The following BTF3L4 variants were observed in gnomAD, a reference collection of about 807,000 sequenced individuals.
The protein encoded by BTF3L4 is transcription factor BTF3 homolog 4.
Under a neutral mutation model 16.8 loss-of-function variants are expected in BTF3L4, and 6 were observed. The ratio of observed to expected loss-of-function variants is 0.36; its 90% CI spans 0.20 to 0.71. BTF3L4 has a LOEUF of 0.71. Among genes scored for constraint, BTF3L4 ranks in the 30% least tolerant of loss-of-function variants. BTF3L4 has a pLI of 0.58. For synonymous variants in BTF3L4, 39 were observed against 59.8 expected (o/e 0.65, Z 1.60); for missense variants, 92 against 186.9 (o/e 0.49, Z 2.96).
chr1:52,084,366 C>A lies in BTF3L4; in HGVS notation c.370+825C>A, dbSNP rs972555502. ...CCATGGTGGCCAGGCTGGTCTTGAG[C>A]TCCTGGCCTCAAGTGATCCACCTAC... is the stretch of plus-strand genomic sequence containing the variant. On this transcript the variant is annotated intron_variant, in intron 4 of 5. Transcript: ENST00000313334. 4.6e-5 allele frequency among the ~76,000 whole-genome samples: 7 copies of A among 151,788 alleles called. No individual in the cohort carries two copies. The South Asian group carries it at 1.1e-3, about 23-fold the overall frequency.
rs1643941816 is a variant in BTF3L4 at position 52,083,369 on chromosome 1, T to TA, written c.199dup (p.Ile67AsnfsTer15). Reference sequence around the variant, plus strand: ...ACATGATTAAAGATGATGGGACAGTTATTCATTTCAACAATCCCAAAGTCC... The same window carrying TA: ...ACATGATTAAAGATGATGGGACAGTTAATTCATTTCAACAATCCCAAAGTCC... On this transcript the variant is annotated frameshift_variant, in exon 4 of 6. Transcript: ENST00000313334. LOFTEE classifies it high-confidence loss of function. 6.2e-7 allele frequency: 1 copy of TA among 1,613,428 alleles called. No individual in the cohort carries two copies. The highest frequency in any genetic ancestry group is 1.3e-5 in the African/African-American group (1 of 74,916).
intron 1 of BTF3L4, among the ~76,000 whole-genome samples, chr1:52,057,447 G>A (rs1425611536): frequency 1.3e-5 from 2 of 152,230 alleles, no homozygotes; most frequent in Non-Finnish European, 2.9e-5. Flanking sequence ...GCCTAGGAAG[G>A]GACTTCTCCC....
At chr1:52,060,489 A>G (rs770406865) in intron 2 of BTF3L4, 8 of 1,268,576 alleles carry the variant, frequency 6.3e-6, no homozygotes, top group Non-Finnish European at 8.2e-6. Context: ...CAGCTTTCTT[A>G]TTCCCTGTAC....
At chr1:52,073,672 G>A (rs1028147261) in intron 3 of BTF3L4, among the ~76,000 whole-genome samples, 2 of 108,062 alleles carry the variant, frequency 1.9e-5, no homozygotes, top group South Asian at 3.6e-4. Flanking sequence ...AGGTAACATC[G>A]TGAGATGCTG....
In BTF3L4 at chr1:52,089,832, T is replaced by G. The variant is rs1303793006; in HGVS notation, c.*3074T>G. On this transcript the variant is annotated 3_prime_UTR_variant, in exon 6 of 6. Coordinates refer to ENST00000313334, the MANE Select transcript of BTF3L4 (RefSeq NM_152265.5). ...TGGTTTAAGAATATATCAAGCACCT[T>G]AATTTGTTGTTAAGTAGCTAGTGCT... The G allele has an allele frequency of 6.6e-6, 1 of 152,234 alleles. No homozygotes were observed. Among genetic ancestry groups the G allele is most frequent in the Non-Finnish European group, 1.5e-5 (1 of 68,040 alleles). The allele number at this position is 152,234 out of a possible 1,614,324, so 9.4% of individuals were successfully genotyped here. A position where few individuals can be genotyped will look rare whatever the true frequency, so the allele number is the denominator to read the frequency against.
At chr1:52,064,785 G>A (rs150539924) in intron 2 of BTF3L4, 40 bp from the exon 3 acceptor site, 2 of 1,303,816 alleles carry the variant, frequency 1.5e-6, no homozygotes, top group African/African-American at 3.0e-5. Flanking sequence ...CCAGATGCCA[G>A]GCATGCTAAC....
chr1:52,063,816 CAT>C (rs1686578633), intron 2 of BTF3L4, among the ~76,000 whole-genome samples: 1 of 152,210 alleles, frequency 6.6e-6, no homozygotes, highest in Admixed American at 6.5e-5. Context: ...TCAGCAAAGT[CAT>C]GTGGTCTCTT....
At chr1:52,064,651 G>A (rs2809951) in intron 2 of BTF3L4, among the ~76,000 whole-genome samples, 174 bp from the exon 3 acceptor site, 140,338 of 152,252 alleles carry the variant, frequency 0.92, 65,548 homozygotes, top group Non-Finnish European at 1. Flanking sequence ...CCAACCTTTA[G>A]AAATCTGCGT....
chr1:52,084,258 G>A (rs1040830166), intron 4 of BTF3L4, among the ~76,000 whole-genome samples: 6 of 151,488 alleles, frequency 4.0e-5, no homozygotes, highest in Non-Finnish European at 5.9e-5. Context: ...TCATGCCTCA[G>A]CCTCCCGAGT....
intron 3 of BTF3L4, 35 bp from the exon 4 acceptor site, chr1:52,083,305 C>A: frequency 6.6e-7 from 1 of 1,525,254 alleles, no homozygotes; most frequent in Non-Finnish European, 9.1e-7. Flanking sequence ...GTGTACCTAG[C>A]ATGTGAAGTA....
rs1334443793 is a variant in BTF3L4 at position 52,088,306 on chromosome 1, A to G, written c.*1548A>G. On this transcript the variant is annotated 3_prime_UTR_variant, in exon 6 of 6. Transcript: ENST00000313334. ...TATTTTTTTTCATCCAAACACCTCAATTTATTTTATAAATTCGTTCATTTT... is the reference window on the plus strand; with the variant it reads ...TATTTTTTTTCATCCAAACACCTCAGTTTATTTTATAAATTCGTTCATTTT... The G allele has an allele frequency of 6.6e-6, 1 of 152,546 alleles. No homozygotes were observed. Among genetic ancestry groups the G allele is most frequent in the East Asian group, 1.9e-4 (1 of 5,194 alleles). 9.4% of individuals were successfully genotyped at this position (152,546 alleles called of 1,614,324 possible). A position where few individuals can be genotyped will look rare whatever the true frequency, so the allele number is the denominator to read the frequency against.
intron 2 of BTF3L4, among the ~76,000 whole-genome samples, chr1:52,062,823 C>T (rs1306128873): frequency 6.6e-6 from 1 of 152,194 alleles, no homozygotes; most frequent in African/African-American, 2.4e-5. Context: ...AGTTTTTCCA[C>T]GGATGGGAGG....
intron 2 of BTF3L4, 117 bp from the exon 3 acceptor site, chr1:52,064,705 CATT>C (rs878998046): frequency 5.3e-6 from 3 of 561,804 alleles, no homozygotes; most frequent in South Asian, 5.3e-5. Flanking sequence ...TAACATTAAT[CATT>C]ATTATTTTGT....
At chr1:52,086,502 GA>G (rs1643974093) in intron 5 of BTF3L4, 1 of 491,534 alleles carries the variant, frequency 2.0e-6, no homozygotes, top group Non-Finnish European at 3.6e-6. Context: ...ATAGACAAAA[GA>G]TGAACATTTC....
At chr1:52,072,117 C>T (rs954534050) in intron 3 of BTF3L4, among the ~76,000 whole-genome samples, 46 of 149,388 alleles carry the variant, frequency 3.1e-4, no homozygotes, top group Non-Finnish European at 3.5e-4. Flanking sequence ...TGCAGTGGTG[C>T]GATCTCGGCT....
At chr1:52,070,270 T>C (rs1020780109) in intron 3 of BTF3L4, among the ~76,000 whole-genome samples, 7 of 151,834 alleles carry the variant, frequency 4.6e-5, no homozygotes, top group Admixed American at 3.9e-4. Flanking sequence ...TCTGACCTTC[T>C]TTGGTTCATT....
Position 52,089,776 on chromosome 1 carries a change from CT to C in BTF3L4, c.*3019del, listed in dbSNP as rs756874668. ...AAAGTAAATGGTTGGGCTCTTATAT[CT>C]GTTTTACCCTTATTTTTCCCATTAA... On this transcript the variant is annotated 3_prime_UTR_variant, in exon 6 of 6. Coordinates refer to ENST00000313334, the MANE Select transcript of BTF3L4 (RefSeq NM_152265.5). 2.4e-4 allele frequency: 36 copies of C among 152,204 alleles called. No individual in the cohort carries two copies. The highest frequency in any genetic ancestry group is 9.8e-4 in the Admixed American group (15 of 15,268). 9.4% of individuals were successfully genotyped at this position (152,204 alleles called of 1,614,324 possible). A position where few individuals can be genotyped will look rare whatever the true frequency, so the allele number is the denominator to read the frequency against.
Position 52,087,630 on chromosome 1 carries a change from G to A in BTF3L4, c.*872G>A, listed in dbSNP as rs1317350218. The stretch of plus-strand genomic sequence containing the variant: ...CTTCAACTTTTTATTTCTCCCTGAT[G>A]TTACAGTTTGGTAGATTTCAAACTG... On this transcript the variant is annotated 3_prime_UTR_variant, in exon 6 of 6. Transcript: ENST00000313334. The A allele has an allele frequency of 6.6e-6, 1 of 152,152 alleles. No homozygotes were observed. Among genetic ancestry groups the A allele is most frequent in the Admixed American group, 6.5e-5 (1 of 15,268 alleles). 9.4% of individuals were successfully genotyped at this position (152,152 alleles called of 1,614,324 possible). A position where few individuals can be genotyped will look rare whatever the true frequency, so the allele number is the denominator to read the frequency against.
chr1:52,077,735 G>A (rs964487116), intron 3 of BTF3L4, among the ~76,000 whole-genome samples: 26 of 152,156 alleles, frequency 1.7e-4, no homozygotes, highest in Non-Finnish European at 3.5e-4. Context: ...CTGCAGTATA[G>A]GAACAAAGTG....
Sources: gnomAD v4.1 joint callset for allele counts (sites outside exome capture counted in the v4.1 genomes callset) on GRCh38, gnomAD v4.1.1 for gene constraint, MANE v1.5 for transcripts, NCBI Gene and HGNC (gene_info 2026-07-23, HGNC 2026-07-21) for gene names.